Variants in ATP2B4 observed in about 807,000 individuals in gnomAD.
The protein encoded by ATP2B4 is plasma membrane calcium-transporting ATPase 4.
In ATP2B4, 39 loss-of-function variants were observed where a neutral mutation model predicts 110.3. The observed-to-expected ratio is 0.35, with a 90% CI of 0.27 to 0.46. The LOEUF (loss-of-function observed/expected upper bound fraction) is 0.46, where lower values mean the gene tolerates loss of function less well. Among genes scored for constraint, ATP2B4 ranks in the 20% least tolerant of loss-of-function variants. The pLI, the probability that ATP2B4 is intolerant of heterozygous loss-of-function variation, is 1.00. For synonymous variants in ATP2B4, 538 were observed against 571.7 expected (o/e 0.94, Z 0.84); for missense variants, 1,135 against 1,530.9 (o/e 0.74, Z 4.32).
At chr1:203,663,994 G>C (rs1393728602) in intron 1 of ATP2B4, among the ~76,000 whole-genome samples, 1 of 152,164 alleles carries the variant, frequency 6.6e-6, no homozygotes, top group Non-Finnish European at 1.5e-5. Flanking sequence ...CCTTAACTGA[G>C]TGAGTCACTT....
rs115851024 is a variant in ATP2B4 at position 203,673,734 on chromosome 1, T to C, written c.-464-9008T>C. Among the ~76,000 whole-genome samples, 625 of 152,282 alleles carry C rather than the reference T, an allele frequency of 4.1e-3. 6 individuals are homozygous for C. Among genetic ancestry groups the C allele is most frequent in the African/African-American group, 0.015 (615 of 41,552 alleles). ...GTTTTAAGTCCTCTCCTGCTGAGCG[T>C]CTGGGGACAGAGCAGCTGCCCCTGG... On this transcript the variant is annotated intron_variant, in intron 1 of 20. Coordinates refer to ENST00000357681, the MANE Select transcript of ATP2B4 (RefSeq NM_001684.5).
chr1:203,700,975 C>T (rs763920956), intron 6 of ATP2B4, 52 bp downstream of exon 6: 16 of 1,579,328 alleles, frequency 1.0e-5, no homozygotes, highest in Non-Finnish European at 1.4e-5. Context: ...CATGGACAAA[C>T]AAGGAAGCGA....
intron 20 of ATP2B4, among the ~76,000 whole-genome samples, chr1:203,728,838 C>T (rs1310046737): frequency 1.4e-5 from 2 of 146,946 alleles, no homozygotes; most frequent in Admixed American, 6.9e-5. Context: ...GCCTGGCCAA[C>T]GAGAGCTAAA....
rs78969040 is a variant in ATP2B4 at position 203,702,151 on chromosome 1, C to T, written c.937+72C>T. 1.1e-3 allele frequency: 1,746 copies of T among 1,562,560 alleles called. 18 individuals are homozygous for T. The African/African-American group carries it at 0.021, about 19-fold the overall frequency. The stretch of plus-strand genomic sequence containing the variant: ...AAACCAGACCTTTCCAGGCCATCTT[C>T]CTTCTCCCTTTTCCTCTCCATAAAT... On this transcript the variant is annotated intron_variant, in intron 7 of 20. Coordinates refer to ENST00000357681, the MANE Select transcript of ATP2B4 (RefSeq NM_001684.5).
At chr1:203,738,546 C>T (rs945528418) in intron 20 of ATP2B4, among the ~76,000 whole-genome samples, 1 of 152,162 alleles carries the variant, frequency 6.6e-6, no homozygotes, top group Non-Finnish European at 1.5e-5. Flanking sequence ...TTCCTTCATC[C>T]TCTTCATCCA....
At chr1:203,710,831 T>C (rs1665984708) in intron 11 of ATP2B4, 46 bp from the exon 12 acceptor site, 2 of 1,413,518 alleles carry the variant, frequency 1.4e-6, no homozygotes, top group Non-Finnish European at 9.9e-7. Context: ...TAGAAACGTA[T>C]TGAGTGGGAA....
At chr1:203,649,576 G>A (rs2102315804) in intron 1 of ATP2B4, among the ~76,000 whole-genome samples, 1 of 152,276 alleles carries the variant, frequency 6.6e-6, no homozygotes, top group South Asian at 2.1e-4. Flanking sequence ...TTCGAGACCA[G>A]TCTGAGTAAC....
chr1:203,629,559 C>T lies in ATP2B4; in HGVS notation c.-465+2340C>T, dbSNP rs1470277010. On this transcript the variant is annotated intron_variant, in intron 1 of 20. Transcript: ENST00000357681. The surrounding 1 kb of genome is among the most constrained non-coding windows in gnomAD (Gnocchi z 4.6). ...GTAATCGGCTCCCGCAGTCTCAGCC[C>T]TTCCCCCGGGGCTCGGGGCAGGATT... is the stretch of plus-strand genomic sequence containing the variant. Among the ~76,000 whole-genome samples, 1 of 152,130 alleles carries T rather than the reference C, an allele frequency of 6.6e-6. No individual in the cohort carries two copies. The highest frequency in any genetic ancestry group is 1.5e-5 in the Non-Finnish European group (1 of 68,024).
intron 18 of ATP2B4, among the ~76,000 whole-genome samples, chr1:203,723,457 T>TCTGCCTCC (rs1666405656): frequency 8.8e-6 from 1 of 113,502 alleles, no homozygotes; most frequent in Admixed American, 9.3e-5. Context: ...TCTCTCTCTC[T>TCTGCCTCC]CTCCCTCTGC....
At chr1:203,644,204 C>T (rs1231027563) in intron 1 of ATP2B4, among the ~76,000 whole-genome samples, 1 of 143,580 alleles carries the variant, frequency 7.0e-6, no homozygotes, top group African/African-American at 2.6e-5. Flanking sequence ...AAGCCGAGAT[C>T]ATGCCATGGC....
Position 203,641,858 on chromosome 1 carries a change from T to C in ATP2B4, c.-465+14639T>C, listed in dbSNP as rs537992507. ...CTCCATGAGAGCAATGGTCTTCGCC[T>C]TGCTCATTGATATATCCCAAGTGCC... On this transcript the variant is annotated intron_variant, in intron 1 of 20. Transcript: ENST00000357681. Among the ~76,000 whole-genome samples, 4 of 152,334 alleles carry C rather than the reference T, an allele frequency of 2.6e-5. No homozygotes were observed. The South Asian group carries it at 8.3e-4, about 32-fold the overall frequency.
At position 203,678,928 on chromosome 1, in the gene ATP2B4, T is replaced by C. The variant is rs185554925; in HGVS notation, c.-464-3814T>C. ...TTGATATGACCAATGCTTTCACACG[T>C]CATCTACAAATTATAGAACAGATGT... is the stretch of plus-strand genomic sequence containing the variant. On this transcript the variant is annotated intron_variant, in intron 1 of 20. Coordinates refer to ENST00000357681, the MANE Select transcript of ATP2B4 (RefSeq NM_001684.5). Among the ~76,000 whole-genome samples the C allele has an allele frequency of 5.4e-4, 82 of 152,318 alleles. 2 individuals carry two copies. Among genetic ancestry groups the C allele is most frequent in the African/African-American group, 1.8e-3 (73 of 41,566 alleles).
At position 203,711,940 on chromosome 1, in the gene ATP2B4, C is replaced by T. The variant is rs1403777089; in HGVS notation, c.2032-20C>T. ...TCATCACCCTCATCTGCGCCTTTCC[C>T]CTTTCTTCACTCTCCATAGGTGCCA... On this transcript the variant is annotated intron_variant, in intron 12 of 20. Transcript: ENST00000357681. The T allele has an allele frequency of 5.0e-6, 8 of 1,612,012 alleles. No individual in the cohort carries two copies. The highest frequency in any genetic ancestry group is 5.9e-6 in the Non-Finnish European group (7 of 1,178,660).
intron 1 of ATP2B4, among the ~76,000 whole-genome samples, chr1:203,675,541 A>G (rs941049771): frequency 4.6e-5 from 7 of 152,152 alleles, no homozygotes; most frequent in African/African-American, 1.4e-4. Context: ...ATGTAGTTTG[A>G]CCAAAAAGCA....
intron 1 of ATP2B4, among the ~76,000 whole-genome samples, chr1:203,670,781 G>A (rs1275493808): frequency 6.6e-6 from 1 of 152,212 alleles, no homozygotes; most frequent in Non-Finnish European, 1.5e-5. Context: ...AACCAGGGCT[G>A]TCAGTTAGGA....
At chr1:203,684,514 C>T (rs1000536940) in intron 2 of ATP2B4, among the ~76,000 whole-genome samples, 15 of 151,978 alleles carry the variant, frequency 9.9e-5, no homozygotes, top group African/African-American at 2.2e-4. Flanking sequence ...TGCACCACCA[C>T]GCCCAGCTAA....
Position 203,727,306 on chromosome 1 carries a change from C to T in ATP2B4, c.3133-89C>T, listed in dbSNP as rs943545114. On this transcript the variant is annotated intron_variant, in intron 19 of 20. Transcript: ENST00000357681. ...GGAAGGGTGGTAGGGCAAAGAGTAA[C>T]CTGCCCAAGGGCCTGGCTCATGTAA... is the stretch of plus-strand genomic sequence containing the variant. The T allele has an allele frequency of 1.7e-5, 25 of 1,484,832 alleles. No homozygotes were observed. The East Asian group carries it at 1.8e-4, about 11-fold the overall frequency. 92.0% of individuals were successfully genotyped at this position (1,484,832 alleles called of 1,614,324 possible).
intron 7 of ATP2B4, among the ~76,000 whole-genome samples, chr1:203,702,679 GTCT>G (rs1306305617): frequency 7.9e-5 from 12 of 152,110 alleles, no homozygotes; most frequent in South Asian, 2.1e-4. Context: ...TTCTGTCTCC[GTCT>G]TCTTGTTTGT....
intron 2 of ATP2B4, among the ~76,000 whole-genome samples, chr1:203,693,686 A>G (rs1445210644): frequency 6.6e-6 from 1 of 152,106 alleles, no homozygotes; most frequent in Non-Finnish European, 1.5e-5. Flanking sequence ...CAGGAAGAAA[A>G]AAGACAGGAC....
Sources: gnomAD v4.1 joint callset for allele counts (sites outside exome capture counted in the v4.1 genomes callset) on GRCh38, gnomAD v4.1.1 for gene constraint, Gnocchi (gnomAD v3.1) non-coding constraint, MANE v1.5 for transcripts, NCBI Gene and HGNC (gene_info 2026-07-23, HGNC 2026-07-21) for gene names.